The following KAZN variants were observed in gnomAD, a reference collection of about 807,000 sequenced individuals.
The protein encoded by KAZN is kazrin, periplakin interacting protein.
Under a neutral mutation model 87.4 loss-of-function variants are expected in KAZN, and 40 were observed. That is an observed-to-expected ratio of 0.46 (90% CI 0.36 to 0.60). The LOEUF (loss-of-function observed/expected upper bound fraction) is 0.60. Ranked by LOEUF, KAZN falls within the 20% of genes least tolerant of loss-of-function variation. KAZN has a pLI of 0.00. For synonymous variants in KAZN, 466 were observed against 458.3 expected (o/e 1.02, Z -0.22); for missense variants, 898 against 1,073.9 (o/e 0.84, Z 2.29).
intron 1 of KAZN, among the ~76,000 whole-genome samples, chr1:14,014,815 T>C (rs1194402873): frequency 6.6e-6 from 1 of 152,132 alleles, no homozygotes; most frequent in Non-Finnish European, 1.5e-5. Flanking sequence ...CACAACTTAA[T>C]AAGATAACAT....
rs77682232 is a variant in KAZN, at chr1:14,974,479, A to G, written c.418+13604A>G. On this transcript the variant is annotated intron_variant, in intron 2 of 14. Coordinates refer to ENST00000376030, the MANE Select transcript of KAZN (RefSeq NM_201628.3). ...CCAGCTGCTCCACTCCTGAGTGTTT[A>G]CTCACCTAGGAAATACACATCCATA... Among the ~76,000 whole-genome samples, 1,341 of 152,292 alleles carry G rather than the reference A, an allele frequency of 8.8e-3. 19 individuals are homozygous for G. Among genetic ancestry groups the G allele is most frequent in the African/African-American group, 0.031 (1,274 of 41,530 alleles).
chr1:14,206,617 T>G (rs1284341564), intron 2 of KAZN, among the ~76,000 whole-genome samples: 1 of 152,142 alleles, frequency 6.6e-6, no homozygotes, highest in Non-Finnish European at 1.5e-5. Context: ...CTTTTAGTTT[T>G]TATAACATTT....
intron 4 of KAZN, among the ~76,000 whole-genome samples, chr1:15,052,813 G>A (rs977218991): frequency 1.3e-5 from 2 of 152,138 alleles, no homozygotes; most frequent in African/African-American, 2.4e-5. Flanking sequence ...AGGACCAACC[G>A]TAGGGGACCT....
At chr1:15,091,456 T>G (rs1245446907) in intron 8 of KAZN, among the ~76,000 whole-genome samples, 2 of 152,206 alleles carry the variant, frequency 1.3e-5, no homozygotes, top group African/African-American at 4.8e-5. Context: ...GTGATTCTCC[T>G]GCCTCAGCCT....
chr1:13,964,361 A>G (rs1641865482), intron 1 of KAZN, among the ~76,000 whole-genome samples: 1 of 152,198 alleles, frequency 6.6e-6, no homozygotes, highest in Non-Finnish European at 1.5e-5. Flanking sequence ...CAGGCAGGTA[A>G]ATCAGTCAGC....
At chr1:14,891,921 C>T (rs1020362933) in intron 1 of KAZN, among the ~76,000 whole-genome samples, 3 of 152,024 alleles carry the variant, frequency 2.0e-5, no homozygotes, top group Admixed American at 2.0e-4. Flanking sequence ...CTCCGTTAGT[C>T]GGCTCTGATT....
At chr1:14,443,980 G>A (rs946472150) in intron 2 of KAZN, among the ~76,000 whole-genome samples, 1 of 151,990 alleles carries the variant, frequency 6.6e-6, no homozygotes, top group Non-Finnish European at 1.5e-5. Context: ...CAACTTAGAA[G>A]ACAGGTAAAT....
intron 1 of KAZN, among the ~76,000 whole-genome samples, chr1:14,152,178 T>C (rs1645490869): frequency 6.6e-6 from 1 of 152,226 alleles, no homozygotes; most frequent in South Asian, 2.1e-4. Flanking sequence ...TTACAAACAA[T>C]TCAATTATAC....
chr1:14,727,441 G>C (rs1321745032), intron 1 of KAZN, among the ~76,000 whole-genome samples: 1 of 91,612 alleles, frequency 1.1e-5, no homozygotes, highest in African/African-American at 4.0e-5. Context: ...CACATTTATT[G>C]TGCACTTTCT....
At chr1:14,164,002 T>C (rs9803674) in intron 1 of KAZN, among the ~76,000 whole-genome samples, 64,543 of 152,054 alleles carry the variant, frequency 0.42, 14,072 homozygotes, top group African/African-American at 0.52. Context: ...TACTCTTCTC[T>C]GACGTCCTCC....
At chr1:14,044,491 A>G (rs960078138) in intron 1 of KAZN, among the ~76,000 whole-genome samples, 1 of 152,122 alleles carries the variant, frequency 6.6e-6, no homozygotes, top group African/African-American at 2.4e-5. Flanking sequence ...AATACCTACT[A>G]TGGGATACTG....
chr1:14,923,217 G>T lies in KAZN; in HGVS notation c.227-37467G>T, dbSNP rs1470708477. On this transcript the variant is annotated intron_variant, in intron 1 of 14. Coordinates refer to ENST00000376030, the MANE Select transcript of KAZN (RefSeq NM_201628.3). This position sits in a 1 kb window ranked among gnomAD's most constrained non-coding sequence, Gnocchi z 4.2. The stretch of plus-strand genomic sequence containing the variant: ...ACTCCTCACCTGGCTGTGTGGCCTC[G>T]GCTCCCGCGTGTCTACAACAGGGGG... Among the ~76,000 whole-genome samples the T allele has an allele frequency of 6.6e-6, 1 of 152,142 alleles. No individual in the cohort carries two copies. The highest frequency in any genetic ancestry group is 1.5e-5 in the Non-Finnish European group (1 of 68,028).
chr1:14,649,951 T>G (rs1638246271), intron 1 of KAZN, among the ~76,000 whole-genome samples: 1 of 151,972 alleles, frequency 6.6e-6, no homozygotes, highest in South Asian at 2.1e-4. Flanking sequence ...GGTACAGGGC[T>G]TGGCACCTAA....
Position 15,115,634 on chromosome 1 carries a change from C to T in KAZN, c.*999C>T, listed in dbSNP as rs1439565894. On this transcript the variant is annotated 3_prime_UTR_variant, in exon 15 of 15. Transcript: ENST00000376030. The surrounding 1 kb of genome is among the most constrained non-coding windows in gnomAD (Gnocchi z 4.1). ...ATAGGTGACATAGCTCACCAATGTCCTAACCGAGACACAAACTCCACAGAG... is the reference window on the plus strand; with the variant it reads ...ATAGGTGACATAGCTCACCAATGTCTTAACCGAGACACAAACTCCACAGAG... 1 of 152,164 alleles carries T rather than the reference C, an allele frequency of 6.6e-6. No homozygotes were observed. The highest frequency in any genetic ancestry group is 1.5e-5 in the Non-Finnish European group (1 of 68,028). The allele number at this position is 152,164 out of a possible 1,614,324, so 9.4% of individuals were successfully genotyped here.
chr1:14,253,609 T>C (rs1215413738), intron 2 of KAZN, among the ~76,000 whole-genome samples: 1 of 152,140 alleles, frequency 6.6e-6, no homozygotes, highest in Non-Finnish European at 1.5e-5. Context: ...GGAGAGGCCT[T>C]GGTGGCAATT....
intron 2 of KAZN, among the ~76,000 whole-genome samples, chr1:14,364,150 G>A (rs1300675289): frequency 1.3e-5 from 2 of 152,056 alleles, no homozygotes; most frequent in Non-Finnish European, 1.5e-5. Flanking sequence ...TCATGCCCCC[G>A]GCACTAACTG....
rs1021139810 is a variant in KAZN, at chr1:14,675,711, G to A, written c.226+76488G>A. On this transcript the variant is annotated intron_variant, in intron 1 of 14. Transcript: ENST00000376030. ...ATCATTCCATGCCTGATACCCTGTAGATACACAGTAAATATTCTGGGGAGT... is the reference window on the plus strand; with the variant it reads ...ATCATTCCATGCCTGATACCCTGTAAATACACAGTAAATATTCTGGGGAGT... 2.0e-5 allele frequency among the ~76,000 whole-genome samples: 3 copies of A among 152,180 alleles called. No individual in the cohort carries two copies. In the South Asian group the frequency reaches 6.2e-4, roughly 32 times the overall value.
In KAZN at chr1:13,919,116, A is replaced by G. The variant is rs935322055; in HGVS notation, c.91+25360A>G. ...GAAGTGTACTATGGCTCAGTGAGTT[A>G]TCACAAGTGAATACATCTGTATAAC... On this transcript the variant is annotated intron_variant, in intron 1 of 16. Transcript: ENST00000636203. Among the ~76,000 whole-genome samples the G allele has an allele frequency of 2.6e-5, 4 of 152,256 alleles. No individual in the cohort carries two copies. The East Asian group carries it at 5.8e-4, about 22-fold the overall frequency.
intron 1 of KAZN, among the ~76,000 whole-genome samples, chr1:13,950,914 G>A (rs962482639): frequency 9.9e-5 from 15 of 152,060 alleles, no homozygotes; most frequent in Admixed American, 6.5e-5. Context: ...GGAAGGAATC[G>A]CCTTCCCAAA....
Sources: gnomAD v4.1 joint callset for allele counts (sites outside exome capture counted in the v4.1 genomes callset) on GRCh38, gnomAD v4.1.1 for gene constraint, Gnocchi (gnomAD v3.1) non-coding constraint, MANE v1.5 for transcripts, NCBI Gene and HGNC (gene_info 2026-07-23, HGNC 2026-07-21) for gene names.